Variants in PLAC1 observed in about 807,000 individuals in gnomAD.
PLAC1 encodes the protein placenta associated 1, also known as placenta-specific protein 1.
For missense variants in PLAC1, 136 were observed against 163.2 expected (o/e 0.83, Z 0.91); for synonymous variants, 68 against 62.1 (o/e 1.09, Z -0.44).
intron 1 of PLAC1, among the ~76,000 whole-genome samples, chrX:134,618,274 G>A (rs1264565696): frequency 8.9e-6 from 1 of 112,389 alleles, no homozygotes. Flanking sequence ...CAGCAAGGTA[G>A]CTCCCAGACA....
chrX:134,737,950 G>A (rs777895666), intron 1 of PLAC1, among the ~76,000 whole-genome samples: 1 of 111,556 alleles, frequency 9.0e-6, no homozygotes, highest in Non-Finnish European at 1.9e-5. Flanking sequence ...AGTAGGGGAG[G>A]GCGAGGCTGA....
intron 1 of PLAC1, among the ~76,000 whole-genome samples, chrX:134,612,870 C>T (rs1191661261): frequency 9.0e-6 from 1 of 111,100 alleles, no homozygotes; most frequent in African/African-American, 3.3e-5. Context: ...AGTGCATGGA[C>T]CCCCAGGGGG....
chrX:134,623,713 G>A (rs762509312), intron 1 of PLAC1, among the ~76,000 whole-genome samples: 2 of 111,094 alleles, frequency 1.8e-5, no homozygotes, highest in Non-Finnish European at 3.8e-5. Context: ...GGGACAGCCC[G>A]CCCCACATGC....
chrX:134,569,523 AAAG>A (rs1238140398), intron 2 of PLAC1, among the ~76,000 whole-genome samples: 1 of 111,874 alleles, frequency 8.9e-6, no homozygotes, highest in Non-Finnish European at 1.9e-5. Flanking sequence ...GATAAAGCTT[AAAG>A]AAGAGGTCAC....
chrX:134,585,520 G>C (rs970445988), intron 2 of PLAC1, among the ~76,000 whole-genome samples: 3 of 110,838 alleles, frequency 2.7e-5, no homozygotes, highest in Non-Finnish European at 5.7e-5. Context: ...AGGGATATCT[G>C]TGAGTTGCTC....
At chrX:134,658,750 C>T (rs2078404429), upstream of PLAC1, among the ~76,000 whole-genome samples, 1 of 111,465 alleles carries the variant, frequency 9.0e-6, no homozygotes, top group Non-Finnish European at 1.9e-5. Context: ...GGAAGAAGGG[C>T]GGGGAGGAGG....
At chrX:134,580,200 A>G (rs1452479257) in intron 2 of PLAC1, among the ~76,000 whole-genome samples, 2 of 112,615 alleles carry the variant, frequency 1.8e-5, no homozygotes, top group African/African-American at 3.2e-5. Flanking sequence ...AAAGACAGAA[A>G]CTGGGTCCAC....
At chrX:134,586,670 C>CTTTTTTT (rs765675891) in intron 2 of PLAC1, among the ~76,000 whole-genome samples, 1 of 91,080 alleles carries the variant, frequency 1.1e-5, no homozygotes, top group Non-Finnish European at 2.2e-5. Flanking sequence ...TTTTTCTTTT[C>CTTTTTTT]TTTTTTTTTT....
At chrX:134,643,329 T>C (rs2078315899) in intron 1 of PLAC1, among the ~76,000 whole-genome samples, 1 of 111,537 alleles carries the variant, frequency 9.0e-6, no homozygotes, top group Admixed American at 9.5e-5. Context: ...AAAGGTAAAG[T>C]GTACAACAGC....
chrX:134,679,885 G>A (rs2078488323), intron 2 of PLAC1, among the ~76,000 whole-genome samples: 1 of 111,761 alleles, frequency 8.9e-6, no homozygotes, highest in African/African-American at 3.3e-5. Context: ...GGTGTTGGCG[G>A]GTGAAGGTGA....
intron 2 of PLAC1, among the ~76,000 whole-genome samples, chrX:134,706,463 C>T (rs759688279): frequency 8.9e-6 from 1 of 112,339 alleles, no homozygotes; most frequent in South Asian, 3.8e-4. Flanking sequence ...CCTGCTAAAA[C>T]AGAAGATTTC....
At chrX:134,718,256 C>A (rs1337259278) in intron 2 of PLAC1, among the ~76,000 whole-genome samples, 1 of 111,508 alleles carries the variant, frequency 9.0e-6, no homozygotes, top group African/African-American at 3.3e-5. Context: ...TCCCCAGAAT[C>A]TCTCCAGAGA....
At chrX:134,628,865 T>C (rs1377058927) in intron 1 of PLAC1, among the ~76,000 whole-genome samples, 1 of 111,617 alleles carries the variant, frequency 9.0e-6, no homozygotes, top group African/African-American at 3.3e-5. Flanking sequence ...CTAGTATGTC[T>C]TCCAGCTCTG....
chrX:134,699,442 T>C (rs1233454987), intron 2 of PLAC1, among the ~76,000 whole-genome samples: 2 of 111,812 alleles, frequency 1.8e-5, no homozygotes, highest in Non-Finnish European at 3.8e-5. Context: ...GCCTTGATCT[T>C]GGACTTCCCA....
At chrX:134,665,951 A>G (rs1466363919) in intron 2 of PLAC1, among the ~76,000 whole-genome samples, 1 of 111,336 alleles carries the variant, frequency 9.0e-6, no homozygotes, top group South Asian at 3.9e-4. Flanking sequence ...CTTGGCTCAA[A>G]AGCTGAGGCA....
At chrX:134,676,823 C>A (rs2078476919) in intron 2 of PLAC1, among the ~76,000 whole-genome samples, 1 of 111,705 alleles carries the variant, frequency 9.0e-6, no homozygotes, top group Non-Finnish European at 1.9e-5. Flanking sequence ...AGAGTCAGCA[C>A]AGAGTAGTGG....
chrX:134,648,514 C>T (rs1000894008), intron 1 of PLAC1, among the ~76,000 whole-genome samples: 7 of 110,922 alleles, frequency 6.3e-5, no homozygotes, highest in African/African-American at 2.3e-4. Context: ...GGCGAAACCC[C>T]GTCTCTACTA....
chrX:134,740,545 G>A (rs1015469341), intron 1 of PLAC1, among the ~76,000 whole-genome samples: 17 of 111,321 alleles, frequency 1.5e-4, no homozygotes, highest in Admixed American at 3.8e-4. Flanking sequence ...CATGGAAGTC[G>A]CTGAGAGGGG....
intron 2 of PLAC1, chrX:134,599,648 C>T (rs1336517948): frequency 2.7e-5 from 3 of 111,846 alleles, no homozygotes; most frequent in Non-Finnish European, 5.6e-5. Flanking sequence ...CAGCAGAGCC[C>T]AACAGTTTAT....
Sources: allele counts gnomAD v4.1 joint callset (sites outside exome capture counted in the v4.1 genomes callset), GRCh38; gene constraint gnomAD v4.1.1; transcripts MANE v1.5; gene names NCBI Gene and HGNC (gene_info 2026-07-23, HGNC 2026-07-21).